CNKSR2: variants seen among roughly 807,000 people sequenced by gnomAD.
The protein encoded by CNKSR2 is CNK homolog protein 2.
In CNKSR2, 14 loss-of-function variants were observed where a neutral mutation model predicts 84.4. The ratio of observed to expected loss-of-function variants is 0.17; its 90% CI spans 0.11 to 0.26. The LOEUF (loss-of-function observed/expected upper bound fraction) is 0.26, where lower values mean the gene tolerates loss of function less well. Among genes scored for constraint, CNKSR2 ranks in the 10% least tolerant of loss-of-function variants. The pLI is 1.00. For synonymous variants in CNKSR2, 275 were observed against 277.9 expected, an observed-to-expected ratio of 0.99 and a Z score of 0.10; for missense variants, 485 against 771.2, an observed-to-expected ratio of 0.63 and a Z score of 4.40.
chrX:21,425,477 A>G (rs2090553294), intron 1 of CNKSR2: 1 of 111,688 alleles, frequency 9.0e-6, no homozygotes, highest in Non-Finnish European at 1.9e-5. Flanking sequence ...CAATGGCTAC[A>G]TAATCTCTCT....
At chrX:21,591,266 A>G (rs1217428425) in intron 15 of CNKSR2, 72 bp downstream of exon 15, 2 of 931,851 alleles carry the variant, frequency 2.1e-6, no homozygotes, top group Non-Finnish European at 2.9e-6. Context: ...TGAGACTTAT[A>G]TTTTAAAATC....
chrX:21,417,068 C>G (rs2147029944), intron 1 of CNKSR2, among the ~76,000 whole-genome samples: 1 of 111,494 alleles, frequency 9.0e-6, no homozygotes, highest in Admixed American at 9.5e-5. Context: ...AAATTTCCCT[C>G]TTAGTACTGC....
At chrX:21,388,343 AATG>A (rs2090001290) in intron 1 of CNKSR2, among the ~76,000 whole-genome samples, 1 of 112,442 alleles carries the variant, frequency 8.9e-6, no homozygotes, top group Non-Finnish European at 1.9e-5. Context: ...GAGAAATGTT[AATG>A]GACCAGACTC....
chrX:21,381,897 G>T lies in CNKSR2; in HGVS notation c.64+6936G>T, dbSNP rs547648121. On this transcript the variant is annotated intron_variant, in intron 1 of 21. Transcript: ENST00000379510. ...AAATCCTCAGTTATATGCTGTCCTA[G>T]TACCATGTATATCTCCTGTGTCCCA... is the stretch of plus-strand genomic sequence containing the variant. Among the ~76,000 whole-genome samples the T allele has an allele frequency of 1.2e-4, 13 of 111,431 alleles. No homozygotes were observed. The South Asian group carries it at 4.9e-3, about 42-fold the overall frequency.
At chrX:21,550,335 A>G (rs1204785864) in intron 11 of CNKSR2, among the ~76,000 whole-genome samples, 2 of 112,685 alleles carry the variant, frequency 1.8e-5, no homozygotes, top group Non-Finnish European at 3.7e-5. Context: ...ATCACTGGTC[A>G]TTAGAGAAAT....
At chrX:21,439,868 C>G (rs1376118973) in intron 3 of CNKSR2, among the ~76,000 whole-genome samples, 1 of 110,333 alleles carries the variant, frequency 9.1e-6, no homozygotes, top group Non-Finnish European at 1.9e-5. Context: ...CATTTCTATA[C>G]CATCTCTTCC....
At chrX:21,448,373 C>T (rs1327995942) in intron 4 of CNKSR2, among the ~76,000 whole-genome samples, 1 of 111,603 alleles carries the variant, frequency 9.0e-6, no homozygotes, top group East Asian at 2.8e-4. Context: ...TTATTGCACA[C>T]TTGTAATAAG....
chrX:21,515,741 G>T (rs763511626), intron 8 of CNKSR2, among the ~76,000 whole-genome samples: 1 of 111,399 alleles, frequency 9.0e-6, no homozygotes, highest in Admixed American at 9.6e-5. Flanking sequence ...AGTTGAGCCC[G>T]ATTTCAAGAC....
intron 9 of CNKSR2, among the ~76,000 whole-genome samples, chrX:21,520,578 G>A (rs2147103054): frequency 9.1e-6 from 1 of 110,300 alleles, no homozygotes; most frequent in Admixed American, 9.6e-5. Context: ...GATGGGTGGT[G>A]TCCTTTTCTT....
chrX:21,512,191 A>G (rs144416081), intron 8 of CNKSR2, among the ~76,000 whole-genome samples: 1 of 112,129 alleles, frequency 8.9e-6, no homozygotes, highest in East Asian at 2.8e-4. Context: ...CAAGGAGCTC[A>G]TAATCTATTA....
chrX:21,644,956 G>A (rs2092702668), intron 20 of CNKSR2: 1 of 111,989 alleles, frequency 8.9e-6, no homozygotes, highest in Admixed American at 9.5e-5. Flanking sequence ...AGACTTTTTG[G>A]TATTTGAGAA....
intron 10 of CNKSR2, 54 bp from the exon 11 acceptor site, chrX:21,531,802 T>C (rs1400427967): frequency 4.6e-6 from 4 of 867,974 alleles, no homozygotes; most frequent in African/African-American, 2.0e-5. Context: ...CCCTCGGCCA[T>C]TTACTACCCT....
chrX:21,522,188 C>T (rs2091791218), intron 9 of CNKSR2, among the ~76,000 whole-genome samples: 1 of 110,734 alleles, frequency 9.0e-6, no homozygotes, highest in African/African-American at 3.3e-5. Flanking sequence ...TGAGTAAGGA[C>T]TTATGTGAAT....
At chrX:21,523,118 A>T (rs1036695335) in intron 9 of CNKSR2, among the ~76,000 whole-genome samples, 4 of 111,222 alleles carry the variant, frequency 3.6e-5, no homozygotes, top group African/African-American at 1.3e-4. Flanking sequence ...CACAACATAC[A>T]TGTAAATGTG....
At position 21,375,049 on chromosome X, in the gene CNKSR2, C is replaced by G. The variant is rs770467759; in HGVS notation, c.64+88C>G. 8 of 788,202 alleles carry G rather than the reference C, an allele frequency of 1.0e-5. No individual in the cohort carries two copies. The East Asian group carries it at 2.6e-4, about 25-fold the overall frequency. 65.0% of individuals were successfully genotyped at this position (788,202 alleles called of 1,213,427 possible). A position where few individuals can be genotyped will look rare whatever the true frequency, so the allele number is the denominator to read the frequency against. Reference sequence around the variant, plus strand: ...GAGGGGGCGCCCGCCGCGCCAGAGCCCGCCACCGCGGCTTCCACTGGCGGA... The same window carrying G: ...GAGGGGGCGCCCGCCGCGCCAGAGCGCGCCACCGCGGCTTCCACTGGCGGA... On this transcript the variant is annotated intron_variant, in intron 1 of 21. Transcript: ENST00000379510.
intron 20 of CNKSR2, among the ~76,000 whole-genome samples, chrX:21,631,314 G>A (rs189650561): frequency 0.015 from 1,702 of 111,459 alleles, 35 homozygotes; most frequent in African/African-American, 0.053. Context: ...ACAAAACCCT[G>A]TCTCTAAATA....
intron 7 of CNKSR2, among the ~76,000 whole-genome samples, chrX:21,498,386 G>A (rs186851200): frequency 8.4e-4 from 94 of 111,477 alleles, no homozygotes; most frequent in Non-Finnish European, 7.9e-4. Flanking sequence ...CTGGAGACCA[G>A]CCTATTTCTT....
intron 4 of CNKSR2, among the ~76,000 whole-genome samples, chrX:21,450,846 T>A (rs1478788722): frequency 1.8e-5 from 2 of 111,833 alleles, no homozygotes; most frequent in African/African-American, 6.5e-5. Flanking sequence ...TGCTATCTTT[T>A]CTGTAATACA....
intron 5 of CNKSR2, among the ~76,000 whole-genome samples, chrX:21,485,443 G>A (rs1486220521): frequency 9.0e-6 from 1 of 110,866 alleles, no homozygotes; most frequent in African/African-American, 3.3e-5. Context: ...GTGTATGTGT[G>A]TGTGTATATA....
Sources: gnomAD v4.1 joint callset for allele counts (sites outside exome capture counted in the v4.1 genomes callset) on GRCh38, gnomAD v4.1.1 for gene constraint, MANE v1.5 for transcripts, NCBI Gene and HGNC (gene_info 2026-07-23, HGNC 2026-07-21) for gene names.